ETV6: variants seen among roughly 807,000 people sequenced by gnomAD.
The protein encoded by ETV6 is ETS variant transcription factor 6.
Under a neutral mutation model 51.1 loss-of-function variants are expected in ETV6, and 16 were observed. That is an observed-to-expected ratio of 0.31 (90% confidence interval 0.21 to 0.48). ETV6 has a LOEUF of 0.48. ETV6 is among the 20% of genes least tolerant of loss of function. The pLI is 0.99. For missense variants in ETV6, 458 were observed against 594.8 expected (o/e 0.77, Z 2.39); for synonymous variants, 240 against 224.1 (o/e 1.07, Z -0.64).
chr12:11,853,350 C>T, intron 3 of ETV6, 77 bp from the exon 4 acceptor site: 3 of 1,577,164 alleles, frequency 1.9e-6, no homozygotes, highest in Non-Finnish European at 1.7e-6. Context: ...GTGCCAGGCA[C>T]TTAGCTGCTG....
At chr12:11,654,458 A>G (rs904021117) in intron 1 of ETV6, among the ~76,000 whole-genome samples, 22 of 152,282 alleles carry the variant, frequency 1.4e-4, no homozygotes, top group Non-Finnish European at 2.5e-4. Flanking sequence ...CTCTGGGTTC[A>G]TGGTGTGTCC....
chr12:11,669,373 T>TCCTCCCTTCCTCCCTTCCTC (rs1555112289), intron 1 of ETV6, among the ~76,000 whole-genome samples: 1 of 129,344 alleles, frequency 7.7e-6, no homozygotes, highest in Non-Finnish European at 1.6e-5. Flanking sequence ...CTTCCTCCCT[T>TCCTCCCTTCCTCCCTTCCTC]CCTCCCTCCC....
chr12:11,765,833 C>A (rs1183620019), intron 2 of ETV6, among the ~76,000 whole-genome samples: 1 of 152,160 alleles, frequency 6.6e-6, no homozygotes. Context: ...AATGCTGCAG[C>A]CTTTCTGCCA....
chr12:11,670,480 T>C (rs1864292708), intron 1 of ETV6, among the ~76,000 whole-genome samples: 1 of 152,376 alleles, frequency 6.6e-6, no homozygotes, highest in East Asian at 1.9e-4. Context: ...CAAGTAGTTA[T>C]ATTCTTTAAC....
intron 5 of ETV6, among the ~76,000 whole-genome samples, chr12:11,880,847 C>G (rs1947079824): frequency 6.6e-6 from 1 of 152,190 alleles, no homozygotes. Flanking sequence ...CGTCGTCAGC[C>G]TATTTGCAAT....
intron 2 of ETV6, among the ~76,000 whole-genome samples, chr12:11,793,091 C>A (rs1286073566): frequency 1.3e-5 from 2 of 151,778 alleles, no homozygotes; most frequent in Admixed American, 1.3e-4. Flanking sequence ...AAAAAAAAAC[C>A]TTAACATATT....
intron 2 of ETV6, chr12:11,768,945 A>T (rs756867962): frequency 2.1e-6 from 1 of 486,714 alleles, no homozygotes. Context: ...GTTCTGAAGA[A>T]AATTCAAATC....
chr12:11,708,564 A>G, intron 1 of ETV6, among the ~76,000 whole-genome samples: 1 of 152,130 alleles, frequency 6.6e-6, no homozygotes, highest in Admixed American at 6.5e-5. Flanking sequence ...ATTCCCTTCT[A>G]CAAGCCTTGC....
At chr12:11,856,124 G>A (rs1411116136) in intron 4 of ETV6, among the ~76,000 whole-genome samples, 1 of 152,070 alleles carries the variant, frequency 6.6e-6, no homozygotes, top group African/African-American at 2.4e-5. Flanking sequence ...GGCCTGATTT[G>A]ACTCAGCAGT....
At chr12:11,855,179 G>A (rs976185743) in intron 4 of ETV6, among the ~76,000 whole-genome samples, 1 of 151,522 alleles carries the variant, frequency 6.6e-6, no homozygotes, top group Admixed American at 6.6e-5. Context: ...GGTGGCAGGC[G>A]CCTGTAGTCC....
intron 2 of ETV6, among the ~76,000 whole-genome samples, chr12:11,824,370 G>T (rs1946123577): frequency 6.6e-6 from 1 of 152,206 alleles, no homozygotes; most frequent in Admixed American, 6.5e-5. Flanking sequence ...CGTCGAGGAG[G>T]TCTGAAAGGT....
At chr12:11,858,995 A>G (rs1357257619) in intron 4 of ETV6, among the ~76,000 whole-genome samples, 1 of 151,808 alleles carries the variant, frequency 6.6e-6, no homozygotes, top group African/African-American at 2.4e-5. Flanking sequence ...TGATTGCTTT[A>G]TTGAGGGGAA....
chr12:11,695,949 C>A (rs552643335), intron 1 of ETV6, among the ~76,000 whole-genome samples: 1 of 152,182 alleles, frequency 6.6e-6, no homozygotes, highest in Non-Finnish European at 1.5e-5. Context: ...AAGCCTCTTG[C>A]AGTTCCTGTG....
chr12:11,794,666 C>T (rs1303252767), intron 2 of ETV6, among the ~76,000 whole-genome samples: 1 of 152,144 alleles, frequency 6.6e-6, no homozygotes, highest in African/African-American at 2.4e-5. Context: ...TATCAGTGCC[C>T]ATTTTTTATG....
At chr12:11,791,493 C>CAGT (rs1021884614) in intron 2 of ETV6, among the ~76,000 whole-genome samples, 1 of 152,172 alleles carries the variant, frequency 6.6e-6, no homozygotes, top group Non-Finnish European at 1.5e-5. Flanking sequence ...ACCCTTAGAC[C>CAGT]AGTACAACTT....
rs1182913745 is a variant in ETV6 at position 11,891,349 on chromosome 12, A to G, written c.*303A>G. 1.1e-5 allele frequency: 4 copies of G among 368,512 alleles called. No individual in the cohort carries two copies. Among genetic ancestry groups the G allele is most frequent in the Non-Finnish European group, 2.0e-5 (4 of 202,064 alleles). 22.8% of individuals were successfully genotyped at this position (368,512 alleles called of 1,614,324 possible). On this transcript the variant is annotated 3_prime_UTR_variant, in exon 8 of 8. Coordinates refer to ENST00000396373, the MANE Select transcript of ETV6 (RefSeq NM_001987.5). ...CCCTCACCCTTCCACCGTTGTTAGTATCATGGTGTTTTTGTTTTTGTTTTT... is the reference window on the plus strand; with the variant it reads ...CCCTCACCCTTCCACCGTTGTTAGTGTCATGGTGTTTTTGTTTTTGTTTTT...
intron 1 of ETV6, among the ~76,000 whole-genome samples, chr12:11,650,978 C>T (rs1863895712): frequency 6.6e-6 from 1 of 152,160 alleles, no homozygotes; most frequent in Non-Finnish European, 1.5e-5. Context: ...CTGGGCTACC[C>T]AGTAGTTGTG....
chr12:11,863,643 A>T (rs1349705842), intron 4 of ETV6, among the ~76,000 whole-genome samples: 1 of 152,122 alleles, frequency 6.6e-6, no homozygotes, highest in African/African-American at 2.4e-5. Context: ...AGACCAAAAA[A>T]ATCTTCTTGT....
Position 11,752,384 on chromosome 12 carries a change from A to G in ETV6, c.34-66A>G. On this transcript the variant is annotated intron_variant, in intron 1 of 7. Transcript: ENST00000396373. ...TTGCTCCCCACCCCGAGATGGTCTC[A>G]TACCTCCATTCCAAGCTTTCATTGT... 5 of 1,556,138 alleles carry G rather than the reference A, an allele frequency of 3.2e-6. No homozygotes were observed. The South Asian group carries it at 5.9e-5, about 18-fold the overall frequency.
Sources: allele counts gnomAD v4.1 joint callset (sites outside exome capture counted in the v4.1 genomes callset), GRCh38; gene constraint gnomAD v4.1.1; transcripts MANE v1.5; gene names NCBI Gene and HGNC (gene_info 2026-07-23, HGNC 2026-07-21).